CXADR: variants seen among roughly 807,000 people sequenced by gnomAD.
CXADR encodes the protein coxsackievirus and adenovirus receptor.
A neutral mutation model predicts 40.3 loss-of-function variants in CXADR; 20 were observed. That is an observed-to-expected ratio of 0.50 (90% CI 0.35 to 0.72). The LOEUF is 0.72. Among genes scored for constraint, CXADR ranks in the 30% least tolerant of loss-of-function variants. The probability of loss-of-function intolerance (pLI) is 0.01; values close to 1 mark genes in which losing one functional copy is unlikely to be tolerated. For synonymous variants in CXADR, 150 were observed against 161.3 expected, an observed-to-expected ratio of 0.93 and a Z score of 0.53; for missense variants, 332 against 449.1, an observed-to-expected ratio of 0.74 and a Z score of 2.36.
At chr21:17,535,106 G>T (rs544334806) in intron 1 of CXADR, among the ~76,000 whole-genome samples, 1 of 152,012 alleles carries the variant, frequency 6.6e-6, no homozygotes, top group African/African-American at 2.4e-5. Flanking sequence ...TAAAGTTGCT[G>T]TAGTGAATCA....
the CXADR span, among the ~76,000 whole-genome samples, chr21:17,611,378 TTC>T: frequency 2.5e-3 from 377 of 152,316 alleles, 1 homozygote; most frequent in Non-Finnish European, 4.5e-3. Context: ...CTGGATTTGT[TTC>T]TGTTTGCTCT....
At chr21:17,552,551 G>T (rs2123272397) in intron 3 of CXADR, among the ~76,000 whole-genome samples, 1 of 151,960 alleles carries the variant, frequency 6.6e-6, no homozygotes, top group Admixed American at 6.5e-5. Flanking sequence ...TCTAGATTCT[G>T]TGATAATGTC....
At chr21:17,573,954 T>C (rs1414157650), downstream of CXADR, among the ~76,000 whole-genome samples, 1 of 152,204 alleles carries the variant, frequency 6.6e-6, no homozygotes, top group African/African-American at 2.4e-5. Flanking sequence ...TGAATCCTGC[T>C]GACAAGATAA....
intron 7 of CXADR, among the ~76,000 whole-genome samples, chr21:17,586,382 G>GTATA (rs199918869): frequency 6.4e-5 from 9 of 140,558 alleles, no homozygotes; most frequent in African/African-American, 2.4e-4. Flanking sequence ...CAAAATGTGT[G>GTATA]TATATATATA....
At chr21:17,579,342 T>C (rs2123375343) in intron 7 of CXADR, among the ~76,000 whole-genome samples, 1 of 151,890 alleles carries the variant, frequency 6.6e-6, no homozygotes, top group South Asian at 2.1e-4. Flanking sequence ...TGGAGTGCAG[T>C]GGTGCAGTCT....
rs563032034 is a variant in CXADR at position 17,533,300 on chromosome 21, T to C, written c.44-13727T>C. On this transcript the variant is annotated intron_variant, in intron 1 of 6. Transcript: ENST00000284878. Reference sequence around the variant, plus strand: ...AAGTTTCACCCAAACCCCTGAACCATGTGCCACCTAAAATGCTACTAGAAA... The same window carrying C: ...AAGTTTCACCCAAACCCCTGAACCACGTGCCACCTAAAATGCTACTAGAAA... Among the ~76,000 whole-genome samples, 26 of 152,346 alleles carry C rather than the reference T, an allele frequency of 1.7e-4. No individual in the cohort carries two copies. The South Asian group carries it at 4.4e-3, about 25-fold the overall frequency.
At chr21:17,516,629 C>T (rs1175102020) in intron 1 of CXADR, among the ~76,000 whole-genome samples, 1 of 152,162 alleles carries the variant, frequency 6.6e-6, no homozygotes, top group East Asian at 1.9e-4. Flanking sequence ...GGTGGCCAAG[C>T]CTCACTGTGT....
At chr21:17,621,654 A>ATAAAAGGGCTTTATAAAG in the CXADR span, among the ~76,000 whole-genome samples, 1 of 152,120 alleles carries the variant, frequency 6.6e-6, no homozygotes, top group African/African-American at 2.4e-5. Flanking sequence ...GGCTTGATGG[A>ATAAAAGGGCTTTATAAAG]GGCTCTTCAT....
intron 7 of CXADR, among the ~76,000 whole-genome samples, chr21:17,575,833 A>G (rs1409653232): frequency 6.6e-6 from 1 of 151,330 alleles, no homozygotes; most frequent in Non-Finnish European, 1.5e-5. Flanking sequence ...CACGCCTGTA[A>G]TCCCAGCACT....
Position 17,520,547 on chromosome 21 carries a change from G to A in CXADR, c.43+7375G>A, listed in dbSNP as rs561522059. Among the ~76,000 whole-genome samples, 9 of 152,252 alleles carry A rather than the reference G, an allele frequency of 5.9e-5. No individual in the cohort carries two copies. The East Asian group carries it at 1.2e-3, about 20-fold the overall frequency. On this transcript the variant is annotated intron_variant, in intron 1 of 6. Transcript: ENST00000284878. Reference sequence around the variant, plus strand: ...GTCAGGTTATGCACCCTAACCCCACGGTACTAAGACATTTGTGGAAGTGTC... The same window carrying A: ...GTCAGGTTATGCACCCTAACCCCACAGTACTAAGACATTTGTGGAAGTGTC...
rs981617859 is a variant in CXADR at position 17,569,000 on chromosome 21, T to C, written c.*3308T>C. On this transcript the variant is annotated 3_prime_UTR_variant, in exon 7 of 7. Coordinates refer to ENST00000284878, the MANE Select transcript of CXADR (RefSeq NM_001338.5). ...CCTGATTTTTATTAAAAAGATACTTTTTCAAATTTAAGAGTTAATCTTGGA... is the reference window on the plus strand; with the variant it reads ...CCTGATTTTTATTAAAAAGATACTTCTTCAAATTTAAGAGTTAATCTTGGA... 4.1e-6 allele frequency: 4 copies of C among 984,144 alleles called. No homozygotes were observed. In the African/African-American group the frequency reaches 5.2e-5, roughly 13 times the overall value. 61.0% of individuals were successfully genotyped at this position (984,144 alleles called of 1,614,324 possible).
intron 1 of CXADR, chr21:17,527,384 G>C (rs2060610117): frequency 6.6e-6 from 1 of 152,146 alleles, no homozygotes; most frequent in Non-Finnish European, 1.5e-5. Context: ...TTACTTTTTA[G>C]CTCCCCTTAT....
At chr21:17,544,739 G>A (rs1004790083) in intron 1 of CXADR, among the ~76,000 whole-genome samples, 3 of 152,186 alleles carry the variant, frequency 2.0e-5, no homozygotes, top group Non-Finnish European at 4.4e-5. Context: ...GGGAGCAGGT[G>A]CAGATAATTT....
intron 1 of CXADR, among the ~76,000 whole-genome samples, chr21:17,514,371 A>G (rs2060431651): frequency 6.6e-6 from 1 of 152,252 alleles, no homozygotes; most frequent in African/African-American, 2.4e-5. Flanking sequence ...ATCTGAGCCT[A>G]TAGCACTACC....
downstream of CXADR, chr21:17,594,014 A>C: frequency 6.7e-7 from 1 of 1,499,780 alleles, no homozygotes. Flanking sequence ...ACTATTAGTA[A>C]GAACTTTTAA....
chr21:17,608,426 G>A, the CXADR span, among the ~76,000 whole-genome samples: 1 of 151,516 alleles, frequency 6.6e-6, no homozygotes, highest in Non-Finnish European at 1.5e-5. Context: ...TTTACTAGTC[G>A]TGGATCACAG....
chr21:17,520,334 A>C (rs1439238598), intron 1 of CXADR, among the ~76,000 whole-genome samples: 1 of 152,196 alleles, frequency 6.6e-6, no homozygotes, highest in East Asian at 1.9e-4. Flanking sequence ...TGAGTAGTTC[A>C]GTGCATGTAA....
intron 1 of CXADR, among the ~76,000 whole-genome samples, chr21:17,542,713 G>C (rs963957211): frequency 6.6e-6 from 1 of 152,264 alleles, no homozygotes; most frequent in Admixed American, 6.5e-5. Context: ...ATCACATCCT[G>C]AATTATAAAT....
At chr21:17,600,620 A>C in the CXADR span, among the ~76,000 whole-genome samples, 2 of 152,112 alleles carry the variant, frequency 1.3e-5, no homozygotes, top group African/African-American at 4.8e-5. Context: ...CAGGAATTTG[A>C]GACCAGTCTG....
Sources: allele counts gnomAD v4.1 joint callset (sites outside exome capture counted in the v4.1 genomes callset), GRCh38; gene constraint gnomAD v4.1.1; transcripts MANE v1.5; gene names NCBI Gene and HGNC (gene_info 2026-07-23, HGNC 2026-07-21).